The following ZNF420 variants were observed in gnomAD, a reference collection of about 807,000 sequenced individuals.
ZNF420 encodes the protein ATM and p53-associated KZNF protein.
In ZNF420, 31 loss-of-function variants were observed where a neutral mutation model predicts 44.7. The observed-to-expected ratio is 0.69, with a 90% CI of 0.52 to 0.94. The LOEUF (loss-of-function observed/expected upper bound fraction) is 0.94, where lower values mean the gene tolerates loss of function less well. Among genes scored for constraint, ZNF420 ranks in the 40% least tolerant of loss-of-function variants. ZNF420 has a pLI of 0.00. For missense variants in ZNF420, 681 were observed against 827.9 expected (o/e 0.82, Z 2.18); for synonymous variants, 245 against 267.4 (o/e 0.92, Z 0.82).
At chr19:37,012,947 C>A (rs1176886525) in intron 1 of ZNF420, among the ~76,000 whole-genome samples, 1 of 152,048 alleles carries the variant, frequency 6.6e-6, no homozygotes, top group Non-Finnish European at 1.5e-5. Flanking sequence ...TTCTTGTAAG[C>A]CTGTCTTTGT....
chr19:37,045,062 A>G (rs932156103), intron 1 of ZNF420, among the ~76,000 whole-genome samples: 1 of 152,216 alleles, frequency 6.6e-6, no homozygotes, highest in African/African-American at 2.4e-5. Context: ...ATTATAATCA[A>G]TGCTACAATA....
At chr19:37,023,837 G>A (rs1312680223) in intron 1 of ZNF420, among the ~76,000 whole-genome samples, 4 of 151,938 alleles carry the variant, frequency 2.6e-5, no homozygotes, top group South Asian at 2.1e-4. Flanking sequence ...AAGCCTTCCC[G>A]TGTAGTCTTT....
In ZNF420 at chr19:37,128,332, T is replaced by C. The variant is rs751661691; in HGVS notation, c.1341T>C (p.Tyr447=). ...HQRIHTGEKP[Y]ECKECGKTFS... is the part of the protein sequence containing the mutation. ...GGATTCATACTGGTGAGAAACCCTA[T>C]GAATGTAAAGAATGTGGAAAAACCT... The change falls in exon 5 of 5, where the codon TAT becomes TAC. Residue 447 remains tyrosine (Y), a synonymous_variant. Transcript: ENST00000337995. 1.2e-6 allele frequency: 2 copies of C among 1,614,038 alleles called. No individual in the cohort carries two copies. The highest frequency in any genetic ancestry group is 2.2e-5 in the South Asian group (2 of 91,080).
chr19:37,093,769 TA>T (rs1350570306), intron 4 of ZNF420, among the ~76,000 whole-genome samples: 2 of 152,190 alleles, frequency 1.3e-5, no homozygotes, highest in African/African-American at 4.8e-5. Flanking sequence ...GGGAAATCTA[TA>T]CTGACAGAAA....
chr19:37,076,055 C>CT (rs1202420845), upstream of ZNF420, among the ~76,000 whole-genome samples: 11 of 152,026 alleles, frequency 7.2e-5, no homozygotes, highest in East Asian at 3.8e-4. Context: ...GCTGCCTATA[C>CT]TTTTTTTAAA....
intron 4 of ZNF420, among the ~76,000 whole-genome samples, chr19:37,121,686 G>C (rs900480852): frequency 6.6e-6 from 1 of 152,084 alleles, no homozygotes; most frequent in Non-Finnish European, 1.5e-5. Context: ...GAGTGAACAG[G>C]CAACCAACAA....
intron 1 of ZNF420, among the ~76,000 whole-genome samples, chr19:37,046,026 A>T (rs551290204): frequency 2.6e-5 from 4 of 152,270 alleles, no homozygotes; most frequent in African/African-American, 9.6e-5. Flanking sequence ...ATCTCATGAG[A>T]CTTATTCACT....
intron 2 of ZNF420, among the ~76,000 whole-genome samples, chr19:37,081,172 G>T (rs898047102): frequency 6.6e-6 from 1 of 151,612 alleles, no homozygotes; most frequent in Non-Finnish European, 1.5e-5. Context: ...TTATTTTGAT[G>T]TGTCATGTTT....
intron 1 of ZNF420, among the ~76,000 whole-genome samples, chr19:37,064,730 G>C (rs917721906): frequency 2.0e-5 from 3 of 152,206 alleles, no homozygotes; most frequent in Non-Finnish European, 4.4e-5. Flanking sequence ...TTAGGCCTAA[G>C]TAACTGCACC....
At chr19:37,098,486 A>G (rs1454086296) in intron 4 of ZNF420, among the ~76,000 whole-genome samples, 1 of 152,044 alleles carries the variant, frequency 6.6e-6, no homozygotes, top group East Asian at 1.9e-4. Context: ...CATGTTTTTC[A>G]TCTGTTTCAT....
chr19:37,107,917 A>T (rs1412135494), intron 4 of ZNF420, among the ~76,000 whole-genome samples: 1 of 152,100 alleles, frequency 6.6e-6, no homozygotes, highest in Non-Finnish European at 1.5e-5. Flanking sequence ...TCTTCCCTGT[A>T]GACGGCATCT....
chr19:37,090,567 T>G (rs943301838), intron 3 of ZNF420, among the ~76,000 whole-genome samples: 2 of 151,944 alleles, frequency 1.3e-5, no homozygotes, highest in Non-Finnish European at 2.9e-5. Flanking sequence ...TTTGTACTTT[T>G]CAGCCCATGT....
chr19:37,025,046 A>T (rs920038046), intron 1 of ZNF420: 1 of 235,520 alleles, frequency 4.2e-6, no homozygotes, highest in African/African-American at 2.3e-5. Context: ...CACATTTGTT[A>T]CATTAAAAGG....
intron 1 of ZNF420, among the ~76,000 whole-genome samples, chr19:37,072,690 C>T (rs1316299724): frequency 1.3e-5 from 2 of 152,104 alleles, no homozygotes; most frequent in Non-Finnish European, 2.9e-5. Flanking sequence ...ATATATATTT[C>T]AGGATTCTCA....
chr19:37,053,810 G>A (rs964636315), intron 1 of ZNF420, among the ~76,000 whole-genome samples: 9 of 152,214 alleles, frequency 5.9e-5, no homozygotes, highest in South Asian at 2.1e-4. Context: ...GGGGGTCAGG[G>A]ACCCACTTGA....
intron 4 of ZNF420, among the ~76,000 whole-genome samples, chr19:37,102,776 C>G (rs955620604): frequency 6.6e-6 from 1 of 152,202 alleles, no homozygotes; most frequent in Non-Finnish European, 1.5e-5. Context: ...TTTCTGCCAT[C>G]TTGCTGACGT....
intron 1 of ZNF420, among the ~76,000 whole-genome samples, chr19:37,011,646 T>C (rs2074569859): frequency 6.6e-6 from 1 of 152,154 alleles, no homozygotes; most frequent in South Asian, 2.1e-4. Context: ...CTCTCCTGGT[T>C]CCCAGGTGTG....
At chr19:37,054,555 A>G (rs896221232) in intron 1 of ZNF420, among the ~76,000 whole-genome samples, 3 of 152,230 alleles carry the variant, frequency 2.0e-5, no homozygotes, top group African/African-American at 7.2e-5. Context: ...CCACAGTGAC[A>G]GTAACTAGGT....
intron 1 of ZNF420, among the ~76,000 whole-genome samples, chr19:37,011,680 G>A (rs2074570105): frequency 6.6e-6 from 1 of 152,136 alleles, no homozygotes; most frequent in African/African-American, 2.4e-5. Flanking sequence ...TGACGTTGTT[G>A]GGGAGGTCAC....
Sources: allele counts gnomAD v4.1 joint callset (sites outside exome capture counted in the v4.1 genomes callset), GRCh38; gene constraint gnomAD v4.1.1; transcripts MANE v1.5; gene names NCBI Gene and HGNC (gene_info 2026-07-23, HGNC 2026-07-21).